The following MOB3B variants were observed in gnomAD, a reference collection of about 807,000 sequenced individuals.
MOB3B encodes the protein MOB kinase activator 3B.
A neutral mutation model predicts 18.7 loss-of-function variants in MOB3B; 7 were observed. That is an observed-to-expected ratio of 0.37 (90% CI 0.21 to 0.70). MOB3B has a LOEUF of 0.70. MOB3B is among the 30% of genes least tolerant of loss of function. The pLI, the probability that MOB3B is intolerant of heterozygous loss-of-function variation, is 0.52. For synonymous variants in MOB3B, 111 were observed against 99.9 expected (o/e 1.11, Z -0.66); for missense variants, 253 against 281.3 (o/e 0.90, Z 0.72).
At chr9:27,343,243 A>G (rs890700721) in intron 3 of MOB3B, among the ~76,000 whole-genome samples, 5 of 151,554 alleles carry the variant, frequency 3.3e-5, no homozygotes, top group African/African-American at 1.2e-4. Flanking sequence ...GGGTGGTGCA[A>G]GATGTGCTTT....
At chr9:27,528,020 G>A (rs1820462688) in intron 1 of MOB3B, among the ~76,000 whole-genome samples, 2 of 152,194 alleles carry the variant, frequency 1.3e-5, no homozygotes, top group Non-Finnish European at 2.9e-5. Context: ...TGCTCTAGCC[G>A]TATCTGTGTT....
intron 2 of MOB3B, among the ~76,000 whole-genome samples, chr9:27,366,797 A>G (rs757364442): frequency 3.3e-5 from 5 of 152,212 alleles, no homozygotes; most frequent in Non-Finnish European, 5.9e-5. Context: ...AACTGCCCCC[A>G]AACACCTCAA....
intron 1 of MOB3B, among the ~76,000 whole-genome samples, chr9:27,513,480 A>G (rs1820177051): frequency 6.6e-6 from 1 of 152,166 alleles, no homozygotes; most frequent in Admixed American, 6.5e-5. Context: ...CTTAGAATAA[A>G]ACTGGAACTC....
rs186203646 is a variant in MOB3B, at chr9:27,373,783, C to A, written c.419-14547G>T. On this transcript the variant is annotated intron_variant, in intron 2 of 3. Coordinates refer to ENST00000262244, the MANE Select transcript of MOB3B (RefSeq NM_024761.5). ...GTAAATATCCTTATCCCAAAAAAAA[C>A]CAACAAACTCTGCAGTTGTTTTCCC... Among the ~76,000 whole-genome samples the A allele has an allele frequency of 5.1e-3, 776 of 152,302 alleles. 16 individuals are homozygous for A. Among genetic ancestry groups the A allele is most frequent in the Admixed American group, 0.027 (411 of 15,292 alleles).
intron 2 of MOB3B, among the ~76,000 whole-genome samples, chr9:27,425,961 G>A (rs1319571515): frequency 1.3e-5 from 2 of 152,196 alleles, no homozygotes; most frequent in African/African-American, 2.4e-5. Flanking sequence ...GACGTTAGAC[G>A]AAATAGCCCT....
At chr9:27,350,787 C>T (rs1231579918) in intron 3 of MOB3B, among the ~76,000 whole-genome samples, 1 of 152,174 alleles carries the variant, frequency 6.6e-6, no homozygotes, top group Non-Finnish European at 1.5e-5. Flanking sequence ...CAGCCGATGC[C>T]ACCCTGGACA....
At chr9:27,429,056 T>C (rs149904746) in intron 2 of MOB3B, among the ~76,000 whole-genome samples, 25 of 152,326 alleles carry the variant, frequency 1.6e-4, no homozygotes, top group African/African-American at 4.8e-4. Context: ...AATGGTTCAA[T>C]CTATATGTAA....
At chr9:27,518,434 A>C (rs1032966824) in intron 1 of MOB3B, among the ~76,000 whole-genome samples, 3 of 152,222 alleles carry the variant, frequency 2.0e-5, no homozygotes, top group African/African-American at 7.2e-5. Flanking sequence ...TAAAAGCCCC[A>C]TTCGGGCTCA....
intron 3 of MOB3B, among the ~76,000 whole-genome samples, chr9:27,350,874 C>T (rs11790304): frequency 0.063 from 9,584 of 151,608 alleles, 375 homozygotes; most frequent in African/African-American, 0.097. Flanking sequence ...TGTACACCCC[C>T]TCTGCCCCTC....
rs540980873 is a variant in MOB3B at position 27,493,617 on chromosome 9, G to A, written c.-199+35938C>T. On this transcript the variant is annotated intron_variant, in intron 1 of 3. Coordinates refer to ENST00000262244, the MANE Select transcript of MOB3B (RefSeq NM_024761.5). The stretch of plus-strand genomic sequence containing the variant: ...GATCCCGCCACTGCATTCCAGCCTG[G>A]GCGACTGAGCGAGACTCCATCTCAA... 2.6e-5 allele frequency among the ~76,000 whole-genome samples: 4 copies of A among 152,076 alleles called. No individual in the cohort carries two copies. The East Asian group carries it at 7.7e-4, about 29-fold the overall frequency.
intron 1 of MOB3B, among the ~76,000 whole-genome samples, chr9:27,458,716 A>G (rs376137288): frequency 6.0e-5 from 9 of 151,140 alleles, no homozygotes; most frequent in African/African-American, 2.2e-4. Context: ...ATGCCTGGCT[A>G]AGTATTTTAT....
At chr9:27,440,569 G>C (rs1457706763) in intron 2 of MOB3B, among the ~76,000 whole-genome samples, 2 of 151,962 alleles carry the variant, frequency 1.3e-5, no homozygotes, top group East Asian at 3.9e-4. Context: ...AATAACTGGT[G>C]GTGGTCCACC....
chr9:27,526,983 C>A (rs1431243217), intron 1 of MOB3B, among the ~76,000 whole-genome samples: 2 of 152,202 alleles, frequency 1.3e-5, no homozygotes, highest in Non-Finnish European at 2.9e-5. Flanking sequence ...AACGCATCAG[C>A]CCCTGTGACC....
intron 3 of MOB3B, among the ~76,000 whole-genome samples, chr9:27,340,843 G>A (rs1820930074): frequency 6.6e-6 from 1 of 152,220 alleles, no homozygotes; most frequent in Non-Finnish European, 1.5e-5. Flanking sequence ...GAGCCCCCAT[G>A]GAGGTCTGCA....
intron 2 of MOB3B, among the ~76,000 whole-genome samples, chr9:27,387,902 A>C (rs751249962): frequency 1.3e-5 from 2 of 152,160 alleles, no homozygotes; most frequent in Admixed American, 6.5e-5. Flanking sequence ...AACATGTCAG[A>C]GTCCTCTTAC....
chr9:27,441,648 T>A, intron 2 of MOB3B, among the ~76,000 whole-genome samples: 1 of 152,236 alleles, frequency 6.6e-6, no homozygotes, highest in East Asian at 1.9e-4. Context: ...GAATCATTTA[T>A]TTCTGGAATT....
intron 2 of MOB3B, among the ~76,000 whole-genome samples, chr9:27,442,387 G>A (rs975481101): frequency 9.9e-5 from 15 of 152,284 alleles, no homozygotes; most frequent in Middle Eastern, 6.8e-3. Flanking sequence ...CTGACATTAT[G>A]TCATATATTT....
intron 2 of MOB3B, among the ~76,000 whole-genome samples, chr9:27,437,800 G>GT (rs1822534492): frequency 2.0e-5 from 3 of 152,188 alleles, no homozygotes; most frequent in African/African-American, 4.8e-5. Flanking sequence ...GAGGGCTTCA[G>GT]TTTTTTATCA....
chr9:27,356,877 C>T (rs1217987959), intron 3 of MOB3B, among the ~76,000 whole-genome samples: 2 of 151,744 alleles, frequency 1.3e-5, no homozygotes, highest in Non-Finnish European at 2.9e-5. Flanking sequence ...TTTGCACAAC[C>T]TTATCTTCCC....
Sources: gnomAD v4.1 joint callset for allele counts (sites outside exome capture counted in the v4.1 genomes callset) on GRCh38, gnomAD v4.1.1 for gene constraint, MANE v1.5 for transcripts, NCBI Gene and HGNC (gene_info 2026-07-23, HGNC 2026-07-21) for gene names.